The following DENND2B variants were observed in gnomAD, a reference collection of about 807,000 sequenced individuals.
DENND2B encodes DENN domain containing 2B.
DENND2B carries 32 observed loss-of-function variants against 116.0 expected under a neutral mutation model. The observed-to-expected ratio is 0.28, with a 90% CI of 0.21 to 0.37. The LOEUF is 0.37. Among genes scored for constraint, DENND2B ranks in the 10% least tolerant of loss-of-function variants. The pLI is 1.00. For missense variants in DENND2B, 1,276 were observed against 1,477.7 expected, an observed-to-expected ratio of 0.86 and a Z score of 2.24; for synonymous variants, 588 against 583.9, an observed-to-expected ratio of 1.01 and a Z score of -0.10.
At chr11:8,897,009 C>T (rs903971740) in intron 1 of DENND2B, among the ~76,000 whole-genome samples, 7 of 152,060 alleles carry the variant, frequency 4.6e-5, no homozygotes, top group Non-Finnish European at 1.0e-4. Flanking sequence ...GAGGCCAAGG[C>T]GGGTGGATCA....
upstream of DENND2B, among the ~76,000 whole-genome samples, chr11:8,815,284 GA>G (rs567671209): frequency 1.3e-5 from 2 of 151,920 alleles, no homozygotes; most frequent in East Asian, 1.9e-4. Flanking sequence ...AAAAAGTTCA[GA>G]AAAAAAGGGT....
At chr11:8,761,559 G>A (rs539370649) in intron 1 of DENND2B, among the ~76,000 whole-genome samples, 9 of 152,270 alleles carry the variant, frequency 5.9e-5, no homozygotes, top group East Asian at 5.8e-4. Flanking sequence ...TGTTCATGCC[G>A]CCAAGCTTTT....
chr11:8,733,959 C>T (rs960418741), intron 2 of DENND2B, among the ~76,000 whole-genome samples: 3 of 152,184 alleles, frequency 2.0e-5, no homozygotes, highest in South Asian at 2.1e-4. Flanking sequence ...CTGGGACCCA[C>T]GGCTTCACGT....
In DENND2B at chr11:8,730,954, G is replaced by A. The variant is rs764113378; in HGVS notation, c.336C>T (p.Asp112=). The A allele has an allele frequency of 1.7e-5, 28 of 1,614,126 alleles. No homozygotes were observed. Among genetic ancestry groups the A allele is most frequent in the East Asian group, 6.7e-5 (3 of 44,880 alleles). Residue 112 remains aspartate, a synonymous_variant, in exon 3 of 20, where the codon GAC becomes GAT. Coordinates refer to ENST00000313726, the MANE Select transcript of DENND2B (RefSeq NM_213618.2). The surrounding 1 kb of genome is among the most constrained non-coding windows in gnomAD (Gnocchi z 4.1). The part of the protein sequence containing the change: ...LDRSPSACKR[D]AQKESVQGAA... ...CGCCTTGGACACTTTCCTTTTGGGC[G>A]TCTCTCTTGCACGCCGAAGGGCTTC...
At chr11:8,789,060 G>A (rs561933029) in intron 1 of DENND2B, among the ~76,000 whole-genome samples, 96 of 152,304 alleles carry the variant, frequency 6.3e-4, no homozygotes, top group African/African-American at 2.2e-3. Flanking sequence ...AAAATTGCTA[G>A]TCAGATACCA....
At chr11:8,741,329 G>A (rs960199874) in intron 2 of DENND2B, among the ~76,000 whole-genome samples, 3 of 152,172 alleles carry the variant, frequency 2.0e-5, no homozygotes, top group Non-Finnish European at 4.4e-5. Flanking sequence ...GCTCTTCTCC[G>A]GGAGGGAATG....
At chr11:8,878,393 T>A (rs1440046379) in intron 2 of DENND2B, among the ~76,000 whole-genome samples, 1 of 151,380 alleles carries the variant, frequency 6.6e-6, no homozygotes, top group Non-Finnish European at 1.5e-5. Flanking sequence ...TGAATGAATT[T>A]TTTTTTTTTT....
intron 1 of DENND2B, among the ~76,000 whole-genome samples, chr11:8,779,701 A>C (rs528743019): frequency 6.2e-4 from 94 of 152,090 alleles, no homozygotes; most frequent in African/African-American, 2.2e-3. Flanking sequence ...TTCAGTAGAG[A>C]CAGGGTTTCT....
At chr11:8,889,636 G>T (rs2064003233) in intron 1 of DENND2B, among the ~76,000 whole-genome samples, 1 of 152,230 alleles carries the variant, frequency 6.6e-6, no homozygotes, top group Admixed American at 6.5e-5. Flanking sequence ...CATGGAGCCT[G>T]GCTCATTGCT....
chr11:8,884,388 G>A (rs2063937583), intron 1 of DENND2B, among the ~76,000 whole-genome samples: 2 of 151,932 alleles, frequency 1.3e-5, no homozygotes, highest in Admixed American at 1.3e-4. Context: ...GTTCAGTGGT[G>A]CAAGCATAGC....
rs1206937376 is a variant in DENND2B at position 8,696,507 on chromosome 11, C to T, written c.3212G>A (p.Arg1071His). The T allele has an allele frequency of 1.5e-5, 24 of 1,614,042 alleles. No individual in the cohort carries two copies. The highest frequency in any genetic ancestry group is 6.7e-5 in the East Asian group (3 of 44,896). ...RKSVASKSIR[R>H]FLEVFMESQM... ...AGACTCCATAAAAACCTCAAGAAAGCGGCGGATGCTTTTGGAGGCCACAGA... is the reference window on the plus strand; with the variant it reads ...AGACTCCATAAAAACCTCAAGAAAGTGGCGGATGCTTTTGGAGGCCACAGA... The change falls in exon 18 of 20, where the codon CGC (arginine) becomes CAC (histidine). Residue 1071 changes from arginine to histidine, a missense_variant. Coordinates refer to ENST00000313726, the MANE Select transcript of DENND2B (RefSeq NM_213618.2).
intron 4 of DENND2B, chr11:8,719,278 T>C: frequency 1.0e-6 from 1 of 967,696 alleles, no homozygotes; most frequent in Non-Finnish European, 1.2e-6. Context: ...CATTGTGGCA[T>C]CTACTTATGC....
intron 2 of DENND2B, among the ~76,000 whole-genome samples, chr11:8,867,671 TG>T (rs570250840): frequency 1.0e-3 from 147 of 140,006 alleles, no homozygotes; most frequent in African/African-American, 3.7e-3. Flanking sequence ...CTCAACCTCC[TG>T]GGCTCAAGTG....
chr11:8,897,059 C>A (rs997450150), intron 1 of DENND2B, among the ~76,000 whole-genome samples: 4 of 151,664 alleles, frequency 2.6e-5, no homozygotes, highest in Admixed American at 1.3e-4. Flanking sequence ...GCCAACATGG[C>A]GAAGCCCATC....
At chr11:8,751,843 T>C (rs1404929773) in intron 1 of DENND2B, among the ~76,000 whole-genome samples, 1 of 152,258 alleles carries the variant, frequency 6.6e-6, no homozygotes, top group Admixed American at 6.5e-5. Context: ...GTTTTTGCCA[T>C]ATTTGCATAT....
Position 8,712,502 on chromosome 11 carries a change from G to C in DENND2B, c.2172+49C>G, listed in dbSNP as rs541587811. On this transcript the variant is annotated intron_variant, in intron 9 of 19. Coordinates refer to ENST00000313726, the MANE Select transcript of DENND2B (RefSeq NM_213618.2). This position sits in a 1 kb window ranked among gnomAD's most constrained non-coding sequence, Gnocchi z 4.4. ...TCCCCAGATAGGCCTGGCGGATAGA[G>C]GATGGAAGAGGGGGAATATGGGCAA... 9.9e-6 allele frequency: 15 copies of C among 1,521,268 alleles called. No homozygotes were observed. The highest frequency in any genetic ancestry group is 1.2e-5 in the Non-Finnish European group (14 of 1,125,950). 94.2% of individuals were successfully genotyped at this position (1,521,268 alleles called of 1,614,324 possible). A position where few individuals can be genotyped will look rare whatever the true frequency, so the allele number is the denominator to read the frequency against.
In DENND2B at chr11:8,850,820, A is replaced by G. The variant is rs188755008; in HGVS notation, c.-156+6523T>C. ...TAAAAAAAGAAAATGTGGTTTATAT[A>G]CACACAATGGAATACTATTCAGCTA... On this transcript the variant is annotated intron_variant, in intron 3 of 6. Coordinates refer to the DENND2B transcript ENST00000524757. 2.0e-5 allele frequency among the ~76,000 whole-genome samples: 3 copies of G among 152,316 alleles called. No homozygotes were observed. The East Asian group carries it at 5.8e-4, about 29-fold the overall frequency.
At chr11:8,838,558 G>A (rs2062515410) in intron 4 of DENND2B, among the ~76,000 whole-genome samples, 1 of 152,142 alleles carries the variant, frequency 6.6e-6, no homozygotes, top group South Asian at 2.1e-4. Flanking sequence ...TTTCCTCTGT[G>A]ACCTATGCCA....
At chr11:8,800,673 C>T (rs1379769570) in intron 1 of DENND2B, among the ~76,000 whole-genome samples, 1 of 152,134 alleles carries the variant, frequency 6.6e-6, no homozygotes, top group Non-Finnish European at 1.5e-5. Flanking sequence ...GTTGATATGA[C>T]CTTTCCAGGC....
Sources: gnomAD v4.1 joint callset for allele counts (sites outside exome capture counted in the v4.1 genomes callset) on GRCh38, gnomAD v4.1.1 for gene constraint, Gnocchi (gnomAD v3.1) non-coding constraint, MANE v1.5 for transcripts, NCBI Gene and HGNC (gene_info 2026-07-23, HGNC 2026-07-21) for gene names.